Variants in USP34 observed in about 807,000 individuals in gnomAD.
The protein encoded by USP34 is ubiquitin specific peptidase 34.
USP34 carries 70 observed loss-of-function variants against 460.3 expected under a neutral mutation model. The observed-to-expected ratio is 0.15, with a 90% CI of 0.13 to 0.19. USP34 has a LOEUF of 0.19. Ranked by LOEUF, USP34 falls within the 10% of genes least tolerant of loss-of-function variation. The pLI, the probability that USP34 is intolerant of heterozygous loss-of-function variation, is 1.00. For missense variants in USP34, 3,985 were observed against 4,236.2 expected (o/e 0.94, Z 1.65); for synonymous variants, 1,647 against 1,405.3 (o/e 1.17, Z -3.85).
intron 32 of USP34, 128 bp from the exon 33 acceptor site, chr2:61,293,678 A>G (rs995069689): frequency 7.7e-6 from 5 of 649,710 alleles, no homozygotes; most frequent in Non-Finnish European, 1.3e-5. Context: ...CATTTAAATT[A>G]CCAAAATAAT....
At chr2:61,393,334 G>C (rs576382275) in intron 5 of USP34, among the ~76,000 whole-genome samples, 176 of 151,840 alleles carry the variant, frequency 1.2e-3, no homozygotes, top group Middle Eastern at 0.01. Flanking sequence ...GGGAGGCTGA[G>C]GCAGGAGAAT....
chr2:61,470,790 G>A lies in USP34; in HGVS notation c.-98C>T, dbSNP rs1000422987. ...AGAGAGGCGGAGGAGGGGGCCGGCC[G>A]GCCGGCGGGGCGGGGAGGCGACTAG... is the stretch of plus-strand genomic sequence containing the variant. On this transcript the variant is annotated 5_prime_UTR_variant, in exon 1 of 80. Coordinates refer to ENST00000398571, the MANE Select transcript of USP34 (RefSeq NM_014709.4). 420 of 1,042,076 alleles carry A rather than the reference G, an allele frequency of 4.0e-4. No individual in the cohort carries two copies. The highest frequency in any genetic ancestry group is 5.6e-4 in the Non-Finnish European group (399 of 716,468). The allele number at this position is 1,042,076 out of a possible 1,614,324, so 64.6% of individuals were successfully genotyped here. A position where few individuals can be genotyped will look rare whatever the true frequency, so the allele number is the denominator to read the frequency against.
At chr2:61,353,747 A>G (rs373143599) in intron 10 of USP34, among the ~76,000 whole-genome samples, 38 of 152,294 alleles carry the variant, frequency 2.5e-4, no homozygotes, top group South Asian at 2.3e-3. Context: ...AAGATTTTAA[A>G]AAACTTTATC....
chr2:61,350,429 G>A lies in USP34; in HGVS notation c.1378-40C>T, dbSNP rs780308769. 12 of 1,586,658 alleles carry A rather than the reference G, an allele frequency of 7.6e-6. No individual in the cohort carries two copies. The South Asian group carries it at 9.3e-5, about 12-fold the overall frequency. ...GAGAGATTTCAGTTTGAGAATTCCA[G>A]GCAACACTAACAAATTTAATATCCT... is the stretch of plus-strand genomic sequence containing the variant. On this transcript the variant is annotated intron_variant, in intron 11 of 79. Transcript: ENST00000398571.
At chr2:61,240,622 G>A (rs1356468085) in intron 53 of USP34, among the ~76,000 whole-genome samples, 1 of 151,290 alleles carries the variant, frequency 6.6e-6, no homozygotes. Context: ...TGCCCAGGCT[G>A]AAATACAGTG....
In USP34 at chr2:61,308,700, A is replaced by T. The variant is rs538827601; in HGVS notation, c.3817+2840T>A. Among the ~76,000 whole-genome samples the T allele has an allele frequency of 9.8e-5, 15 of 152,328 alleles. No homozygotes were observed. The South Asian group carries it at 3.1e-3, about 32-fold the overall frequency. On this transcript the variant is annotated intron_variant, in intron 27 of 79. Coordinates refer to ENST00000398571, the MANE Select transcript of USP34 (RefSeq NM_014709.4). ...TGATAAAAGACCTATACTCAGGCCC[A>T]GAACACTAAGAAAAAAGTGAAGACT...
intron 74 of USP34, 36 bp downstream of exon 74, chr2:61,204,220 T>A: frequency 6.2e-7 from 1 of 1,613,852 alleles, no homozygotes; most frequent in Non-Finnish European, 8.5e-7. Flanking sequence ...TACTTTGTAC[T>A]ATAGCAACAT....
rs574894257 is a variant in USP34, at chr2:61,347,109, C to T, written c.2285+761G>A. Among the ~76,000 whole-genome samples the T allele has an allele frequency of 3.4e-4, 51 of 152,022 alleles. No homozygotes were observed. In the South Asian group the frequency reaches 8.7e-3, roughly 26 times the overall value. On this transcript the variant is annotated intron_variant, in intron 15 of 79. Transcript: ENST00000398571. ...GAGCCTAGATCGTGCCACTGCACTC[C>T]GGCCTGGGCAACAGAGCGAGACCCT...
intron 20 of USP34, among the ~76,000 whole-genome samples, chr2:61,325,994 A>C (rs1353881850): frequency 6.6e-6 from 1 of 152,200 alleles, no homozygotes; most frequent in African/African-American, 2.4e-5. Context: ...TGCTTAATAA[A>C]AAAGTTGCTT....
intron 1 of USP34, among the ~76,000 whole-genome samples, chr2:61,457,729 T>C (rs1695479391): frequency 6.6e-6 from 1 of 152,110 alleles, no homozygotes; most frequent in African/African-American, 2.4e-5. Flanking sequence ...GGTGTCATCA[T>C]GAGCACCTGT....
chr2:61,208,793 C>CA, intron 70 of USP34, 106 bp downstream of exon 70: 1 of 681,724 alleles, frequency 1.5e-6, no homozygotes, highest in Non-Finnish European at 2.2e-6. Context: ...AAAACCTTGC[C>CA]ACCTGTAAAA....
chr2:61,203,526 A>G (rs1405038738), intron 74 of USP34, among the ~76,000 whole-genome samples: 1 of 152,166 alleles, frequency 6.6e-6, no homozygotes, highest in East Asian at 1.9e-4. Context: ...TTAAAATGTG[A>G]CACTTTAGCT....
intron 1 of USP34, among the ~76,000 whole-genome samples, chr2:61,452,838 T>C (rs1431852937): frequency 6.8e-6 from 1 of 146,496 alleles, no homozygotes; most frequent in Non-Finnish European, 1.5e-5. Context: ...TCAGTCTTGA[T>C]CACGCCACTC....
At chr2:61,416,471 G>A (rs1694197590) in intron 2 of USP34, among the ~76,000 whole-genome samples, 1 of 152,136 alleles carries the variant, frequency 6.6e-6, no homozygotes, top group African/African-American at 2.4e-5. Flanking sequence ...ATAGGTAGGA[G>A]ACAGCAAAGA....
At chr2:61,307,773 C>T (rs1467649611) in intron 27 of USP34, among the ~76,000 whole-genome samples, 6 of 152,036 alleles carry the variant, frequency 3.9e-5, no homozygotes, top group Non-Finnish European at 7.4e-5. Context: ...AAAGGCCGGG[C>T]GCAGTGGGTC....
At chr2:61,367,526 T>C (rs572862032) in intron 10 of USP34, among the ~76,000 whole-genome samples, 15 of 152,232 alleles carry the variant, frequency 9.9e-5, no homozygotes, top group African/African-American at 2.4e-4. Flanking sequence ...AGAAAATACA[T>C]TGAAAATCTA....
At chr2:61,259,677 T>C (rs781724643) in intron 44 of USP34, 34 bp downstream of exon 44, 1 of 1,601,716 alleles carries the variant, frequency 6.2e-7, no homozygotes, top group Non-Finnish European at 8.5e-7. Flanking sequence ...TGAGCCACAG[T>C]GCCTGGCCTA....
intron 5 of USP34, among the ~76,000 whole-genome samples, chr2:61,385,759 C>T (rs999758364): frequency 2.0e-5 from 3 of 150,272 alleles, no homozygotes; most frequent in Admixed American, 6.7e-5. Context: ...TTCAGGAGGC[C>T]GAGGTGGGCA....
intron 5 of USP34, among the ~76,000 whole-genome samples, chr2:61,387,536 C>T (rs973662395): frequency 2.1e-5 from 3 of 144,736 alleles, no homozygotes; most frequent in Non-Finnish European, 4.5e-5. Flanking sequence ...TATATATACA[C>T]ACATATATAA....
Sources: gnomAD v4.1 joint callset for allele counts (sites outside exome capture counted in the v4.1 genomes callset) on GRCh38, gnomAD v4.1.1 for gene constraint, MANE v1.5 for transcripts, NCBI Gene and HGNC (gene_info 2026-07-23, HGNC 2026-07-21) for gene names.